COX7B2: variants seen among roughly 807,000 people sequenced by gnomAD.
COX7B2 encodes the protein cytochrome c oxidase subunit 7B2, also known as cytochrome c oxidase subunit 7B2, mitochondrial.
For synonymous variants in COX7B2, 37 were observed against 32.1 expected, an observed-to-expected ratio of 1.15 and a Z score of -0.51; for missense variants, 109 against 95.9, an observed-to-expected ratio of 1.14 and a Z score of -0.57.
At chr4:46,877,585 T>G (rs1718425398) in intron 1 of COX7B2, among the ~76,000 whole-genome samples, 1 of 152,146 alleles carries the variant, frequency 6.6e-6, no homozygotes, top group Admixed American at 6.6e-5. Context: ...TAGACATTTT[T>G]CCAAAGAAGA....
rs117690869 is a variant in COX7B2 at position 46,801,350 on chromosome 4, T to C, written c.-50+43610A>G. Among the ~76,000 whole-genome samples, 1,085 of 152,154 alleles carry C rather than the reference T, an allele frequency of 7.1e-3. 42 individuals carry two copies. The highest frequency in any genetic ancestry group is 0.055 in the Admixed American group (837 of 15,266). ...AATCGACATAGATGCCCATCAACGGTGGACTACATAAAGAAAATGTGGTAC... is the reference window on the plus strand; with the variant it reads ...AATCGACATAGATGCCCATCAACGGCGGACTACATAAAGAAAATGTGGTAC... On this transcript the variant is annotated intron_variant, in intron 2 of 2. Transcript: ENST00000355591.
At chr4:46,819,013 G>C (rs1230566416) in intron 2 of COX7B2, among the ~76,000 whole-genome samples, 1 of 152,212 alleles carries the variant, frequency 6.6e-6, no homozygotes, top group African/African-American at 2.4e-5. Context: ...ATGCATGATT[G>C]AATAAATGAA....
At chr4:46,894,700 C>G (rs1176509633) in intron 1 of COX7B2, among the ~76,000 whole-genome samples, 1 of 152,180 alleles carries the variant, frequency 6.6e-6, no homozygotes, top group Non-Finnish European at 1.5e-5. Flanking sequence ...AGTACACAGA[C>G]AACCTACAGA....
At chr4:46,825,894 G>T (rs1407800044) in intron 2 of COX7B2, among the ~76,000 whole-genome samples, 1 of 151,956 alleles carries the variant, frequency 6.6e-6, no homozygotes, top group Non-Finnish European at 1.5e-5. Context: ...TAGATTAAAG[G>T]TTTAAATGTA....
intron 2 of COX7B2, among the ~76,000 whole-genome samples, chr4:46,771,049 A>G (rs1716847829): frequency 6.6e-6 from 1 of 152,176 alleles, no homozygotes; most frequent in South Asian, 2.1e-4. Flanking sequence ...GAGAGAAAAT[A>G]TTTCCAAACC....
intron 2 of COX7B2, among the ~76,000 whole-genome samples, chr4:46,820,477 T>C (rs1203545295): frequency 6.6e-6 from 1 of 152,136 alleles, no homozygotes; most frequent in Non-Finnish European, 1.5e-5. Context: ...TACCGGTCCA[T>C]GGCCTGCGGG....
chr4:46,737,466 G>A (rs1714436244), intron 2 of COX7B2, among the ~76,000 whole-genome samples: 1 of 152,004 alleles, frequency 6.6e-6, no homozygotes, highest in Non-Finnish European at 1.5e-5. Flanking sequence ...AGCAAGGGAG[G>A]TAACTGCATA....
intron 2 of COX7B2, among the ~76,000 whole-genome samples, chr4:46,824,811 C>T (rs562826741): frequency 6.5e-4 from 99 of 152,128 alleles, no homozygotes; most frequent in African/African-American, 2.1e-3. Context: ...ACAGAAAAGG[C>T]TTTTGATAAA....
chr4:46,734,908 G>T lies in COX7B2; in HGVS notation c.*39C>A. On this transcript the variant is annotated 3_prime_UTR_variant, in exon 3 of 3. Transcript: ENST00000355591. Reference sequence around the variant, plus strand: ...AGTAGAGTGCTTACATGACAAGTTGGTTTTTTAAACAATTCTGTCATTACA... The same window carrying T: ...AGTAGAGTGCTTACATGACAAGTTGTTTTTTTAAACAATTCTGTCATTACA... 2 of 1,612,780 alleles carry T rather than the reference G, an allele frequency of 1.2e-6. No homozygotes were observed. Among genetic ancestry groups the T allele is most frequent in the Non-Finnish European group, 1.7e-6 (2 of 1,179,132 alleles).
intron 2 of COX7B2, among the ~76,000 whole-genome samples, chr4:46,767,989 T>C (rs1716646386): frequency 1.3e-5 from 2 of 152,346 alleles, no homozygotes; most frequent in South Asian, 4.1e-4. Context: ...CTTTGGGCAC[T>C]GGCAGGAACG....
chr4:46,781,718 C>T (rs1165912254), intron 2 of COX7B2, among the ~76,000 whole-genome samples: 1 of 152,200 alleles, frequency 6.6e-6, no homozygotes, highest in Non-Finnish European at 1.5e-5. Context: ...GCCTGGCGCT[C>T]ACCAGCCAGC....
At chr4:46,888,213 A>G (rs1261610758) in intron 1 of COX7B2, among the ~76,000 whole-genome samples, 1 of 152,190 alleles carries the variant, frequency 6.6e-6, no homozygotes, top group East Asian at 1.9e-4. Context: ...TGCATCTCAC[A>G]GTGGTGCCTT....
intron 1 of COX7B2, among the ~76,000 whole-genome samples, chr4:46,905,863 C>T (rs1224469089): frequency 8.1e-6 from 1 of 123,012 alleles, no homozygotes; most frequent in Non-Finnish European, 1.6e-5. Context: ...CGCTCTGTCG[C>T]CCAGGCCGGA....
At chr4:46,836,290 T>G (rs1401701102) in intron 2 of COX7B2, among the ~76,000 whole-genome samples, 1 of 152,152 alleles carries the variant, frequency 6.6e-6, no homozygotes, top group East Asian at 1.9e-4. Flanking sequence ...ACACAAACAC[T>G]GTACAACTGT....
chr4:46,847,173 C>T (rs1276027947), intron 1 of COX7B2, among the ~76,000 whole-genome samples: 1 of 151,982 alleles, frequency 6.6e-6, no homozygotes, highest in African/African-American at 2.4e-5. Flanking sequence ...CTCACCTTCT[C>T]GTGTTCACAT....
intron 2 of COX7B2, among the ~76,000 whole-genome samples, chr4:46,770,891 A>G: frequency 6.6e-6 from 1 of 152,182 alleles, no homozygotes; most frequent in Non-Finnish European, 1.5e-5. Flanking sequence ...ACATAAAGAC[A>G]AAGCTTCTTG....
chr4:46,854,801 G>C (rs938250844), intron 1 of COX7B2, among the ~76,000 whole-genome samples: 5 of 151,946 alleles, frequency 3.3e-5, no homozygotes, highest in African/African-American at 1.2e-4. Flanking sequence ...CCATTAAAAA[G>C]GCCGCTTACA....
chr4:46,878,825 CAG>C (rs1202167388), intron 1 of COX7B2, among the ~76,000 whole-genome samples: 1 of 152,298 alleles, frequency 6.6e-6, no homozygotes, highest in Admixed American at 6.5e-5. Flanking sequence ...GGGCATGACT[CAG>C]AGGCTTCCTA....
intron 2 of COX7B2, among the ~76,000 whole-genome samples, chr4:46,747,367 A>C (rs913957610): frequency 6.6e-6 from 1 of 151,728 alleles, no homozygotes; most frequent in Non-Finnish European, 1.5e-5. Context: ...GCAATGGTGC[A>C]ATCTCGGCTC....
Sources: gnomAD v4.1 joint callset for allele counts (sites outside exome capture counted in the v4.1 genomes callset) on GRCh38, gnomAD v4.1.1 for gene constraint, MANE v1.5 for transcripts, NCBI Gene and HGNC (gene_info 2026-07-23, HGNC 2026-07-21) for gene names.